HHAT: variants seen among roughly 807,000 people sequenced by gnomAD.
HHAT encodes the protein hedgehog acyltransferase.
HHAT carries 47 observed loss-of-function variants against 70.8 expected under a neutral mutation model. That is an observed-to-expected ratio of 0.66 (90% confidence interval 0.53 to 0.85). The LOEUF is 0.85. Ranked by LOEUF, HHAT falls within the 40% of genes least tolerant of loss-of-function variation. HHAT has a pLI of 0.00. For synonymous variants in HHAT, 228 were observed against 247.6 expected (o/e 0.92, Z 0.74); for missense variants, 609 against 604.8 (o/e 1.01, Z -0.07).
chr1:210,498,912 G>C (rs1304408628), intron 8 of HHAT, among the ~76,000 whole-genome samples: 1 of 151,798 alleles, frequency 6.6e-6, no homozygotes, highest in East Asian at 1.9e-4. Context: ...TGGGATTATA[G>C]GTGCCCATGA....
intron 6 of HHAT, among the ~76,000 whole-genome samples, chr1:210,405,986 C>T (rs1302761731): frequency 6.6e-6 from 1 of 152,102 alleles, no homozygotes; most frequent in Non-Finnish European, 1.5e-5. Context: ...ATCAGTATCG[C>T]CAGAGAGCTT....
chr1:210,541,062 A>G (rs947523788), intron 9 of HHAT, among the ~76,000 whole-genome samples: 1 of 152,114 alleles, frequency 6.6e-6, no homozygotes, highest in African/African-American at 2.4e-5. Flanking sequence ...TCTGGTCTTG[A>G]ACTCCTGAGC....
At chr1:210,519,826 C>CTTTTTTTTT (rs561537666) in intron 9 of HHAT, among the ~76,000 whole-genome samples, 24 of 127,254 alleles carry the variant, frequency 1.9e-4, no homozygotes, top group Admixed American at 2.4e-4. Context: ...CCACACTTGG[C>CTTTTTTTTT]TTTTTTTTTT....
At chr1:210,450,792 G>A (rs2093738420) in intron 7 of HHAT, among the ~76,000 whole-genome samples, 1 of 151,956 alleles carries the variant, frequency 6.6e-6, no homozygotes, top group Admixed American at 6.6e-5. Flanking sequence ...TGGCAGTAAC[G>A]TTTTTTCTCT....
chr1:210,569,947 C>T (rs982748679), intron 9 of HHAT, among the ~76,000 whole-genome samples: 1 of 152,168 alleles, frequency 6.6e-6, no homozygotes, highest in African/African-American at 2.4e-5. Flanking sequence ...TATGCCTAGC[C>T]TATAGTTGGT....
intron 11 of HHAT, among the ~76,000 whole-genome samples, chr1:210,653,393 A>G (rs2148939579): frequency 6.6e-6 from 1 of 152,172 alleles, no homozygotes; most frequent in African/African-American, 2.4e-5. Context: ...GTGATGGTGC[A>G]TCCCTGTGCT....
At chr1:210,584,177 AG>A (rs907457901) in intron 9 of HHAT, among the ~76,000 whole-genome samples, 5 of 151,914 alleles carry the variant, frequency 3.3e-5, no homozygotes, top group African/African-American at 9.6e-5. Flanking sequence ...CCTGACCTCA[AG>A]TGACCCCCCA....
At chr1:210,670,425 G>A (rs983902349) in intron 11 of HHAT, among the ~76,000 whole-genome samples, 3 of 152,220 alleles carry the variant, frequency 2.0e-5, no homozygotes, top group African/African-American at 7.2e-5. Context: ...AAGAGGTGTG[G>A]TGTTGACCGG....
chr1:210,591,753 T>C (rs1400091339), intron 10 of HHAT, among the ~76,000 whole-genome samples: 2 of 152,158 alleles, frequency 1.3e-5, no homozygotes, highest in African/African-American at 2.4e-5. Context: ...TAATATCTTA[T>C]TGTAGTTTTG....
chr1:210,542,771 T>G (rs2095443684), intron 9 of HHAT, among the ~76,000 whole-genome samples: 1 of 152,104 alleles, frequency 6.6e-6, no homozygotes, highest in South Asian at 2.1e-4. Context: ...TGCACTCCAG[T>G]CTGGTTGACA....
At chr1:210,619,370 A>G (rs1028389236) in intron 10 of HHAT, among the ~76,000 whole-genome samples, 1 of 152,176 alleles carries the variant, frequency 6.6e-6, no homozygotes, top group Non-Finnish European at 1.5e-5. Context: ...CCGGGGGCAC[A>G]GGAGGCTCCT....
intron 9 of HHAT, among the ~76,000 whole-genome samples, chr1:210,562,561 C>T (rs17016460): frequency 0.06 from 9,079 of 152,168 alleles, 863 homozygotes; most frequent in African/African-American, 0.2. Context: ...CCAACATCTA[C>T]TGAGCGCTTG....
intron 10 of HHAT, among the ~76,000 whole-genome samples, chr1:210,605,783 G>A (rs114713445): frequency 0.012 from 1,873 of 151,962 alleles, 38 homozygotes; most frequent in African/African-American, 0.042. Context: ...GTAATGTTCA[G>A]TTCTCTTAGT....
intron 11 of HHAT, among the ~76,000 whole-genome samples, chr1:210,673,620 C>G (rs1680551806): frequency 2.0e-5 from 3 of 147,400 alleles, no homozygotes; most frequent in Admixed American, 6.8e-5. Context: ...AATACTGGGT[C>G]TAACTCTGTG....
At chr1:210,619,132 C>T (rs1268919520) in intron 10 of HHAT, among the ~76,000 whole-genome samples, 1 of 152,176 alleles carries the variant, frequency 6.6e-6, no homozygotes, top group African/African-American at 2.4e-5. Flanking sequence ...AGTCTAGCAC[C>T]TGCCCTTGCA....
At chr1:210,338,795 A>T (rs1411064520) in intron 1 of HHAT, among the ~76,000 whole-genome samples, 2 of 152,296 alleles carry the variant, frequency 1.3e-5, no homozygotes, top group East Asian at 3.9e-4. Flanking sequence ...TCCAGAAGGT[A>T]GAAGAGGACT....
At chr1:210,488,140 A>C (rs1395977528) in intron 8 of HHAT, among the ~76,000 whole-genome samples, 1 of 152,196 alleles carries the variant, frequency 6.6e-6, no homozygotes, top group Non-Finnish European at 1.5e-5. Flanking sequence ...TCCCCTCTAC[A>C]CTGGAGAATT....
chr1:210,614,047 C>T (rs1426926649), intron 10 of HHAT, among the ~76,000 whole-genome samples: 4 of 149,712 alleles, frequency 2.7e-5, no homozygotes, highest in African/African-American at 7.4e-5. Flanking sequence ...AAAAAAATTC[C>T]TCCCATCTAT....
rs141351516 is a variant in HHAT at position 210,614,571 on chromosome 1, C to T, written c.1246-8955C>T. On this transcript the variant is annotated intron_variant, in intron 10 of 11. Coordinates refer to ENST00000261458, the MANE Select transcript of HHAT (RefSeq NM_018194.6). Reference sequence around the variant, plus strand: ...TGCTATCCCTCTCCCCTCCCCCCACCTCACAACAGGCCCTAGTGTGTGATG... The same window carrying T: ...TGCTATCCCTCTCCCCTCCCCCCACTTCACAACAGGCCCTAGTGTGTGATG... 4.7e-3 allele frequency among the ~76,000 whole-genome samples: 720 copies of T among 152,276 alleles called. 28 individuals carry two copies. The highest frequency in any genetic ancestry group is 0.043 in the Admixed American group (662 of 15,284).
Sources: gnomAD v4.1 joint callset for allele counts (sites outside exome capture counted in the v4.1 genomes callset) on GRCh38, gnomAD v4.1.1 for gene constraint, MANE v1.5 for transcripts, NCBI Gene and HGNC (gene_info 2026-07-23, HGNC 2026-07-21) for gene names.